EML4: variants seen among roughly 807,000 people sequenced by gnomAD.
EML4 encodes the protein echinoderm microtubule-associated protein-like 4.
A neutral mutation model predicts 129.0 loss-of-function variants in EML4; 72 were observed. The observed-to-expected ratio is 0.56, with a 90% confidence interval of 0.46 to 0.68. EML4 has a LOEUF of 0.68. Among genes scored for constraint, EML4 ranks in the 30% least tolerant of loss-of-function variants. EML4 has a pLI of 0.00. For missense variants in EML4, 1,363 were observed against 1,190.6 expected (o/e 1.14, Z -2.13); for synonymous variants, 532 against 405.0 (o/e 1.31, Z -3.77).
chr2:42,212,015 T>C (rs1672914078), intron 1 of EML4, among the ~76,000 whole-genome samples: 1 of 152,104 alleles, frequency 6.6e-6, no homozygotes, highest in African/African-American at 2.4e-5. Flanking sequence ...CAGCTAATTA[T>C]TTATATTTTT....
chr2:42,326,545 A>G (rs1021717290), intron 21 of EML4, among the ~76,000 whole-genome samples: 1 of 150,314 alleles, frequency 6.7e-6, no homozygotes. Flanking sequence ...TTGGAAAGGC[A>G]TTTTTAAATA....
intron 1 of EML4, among the ~76,000 whole-genome samples, chr2:42,173,318 T>G (rs1035838588): frequency 6.6e-6 from 1 of 152,178 alleles, no homozygotes. Flanking sequence ...TTTTTAAACT[T>G]TTTTTATTGG....
At chr2:42,322,901 C>G (rs1669593075) in intron 19 of EML4, among the ~76,000 whole-genome samples, 1 of 152,160 alleles carries the variant, frequency 6.6e-6, no homozygotes, top group Non-Finnish European at 1.5e-5. Context: ...ACTTTCATTT[C>G]TAAATATGAG....
intron 17 of EML4, among the ~76,000 whole-genome samples, chr2:42,310,355 T>G (rs1045650671): frequency 6.7e-6 from 1 of 148,186 alleles, no homozygotes. Context: ...TCCCCTTCCC[T>G]TTTCCCTTTT....
Position 42,328,826 on chromosome 2 carries a change from A to G in EML4, c.2342-60A>G. On this transcript the variant is annotated intron_variant, in intron 21 of 22. Transcript: ENST00000318522. ...ATTCTAAAATAAAATAAACATATAT[A>G]GCATCACAGTTATATTTCTTCAGCT... 4.5e-6 allele frequency: 6 copies of G among 1,342,720 alleles called. No individual in the cohort carries two copies. In the South Asian group the frequency reaches 8.2e-5, roughly 18 times the overall value. 83.2% of individuals were successfully genotyped at this position (1,342,720 alleles called of 1,614,324 possible). A position where few individuals can be genotyped will look rare whatever the true frequency, so the allele number is the denominator to read the frequency against.
Position 42,263,236 on chromosome 2 carries a change from A to G in EML4, c.571A>G (p.Ser191Gly). 1 of 1,613,356 alleles carries G rather than the reference A, an allele frequency of 6.2e-7. No homozygotes were observed. Among genetic ancestry groups the G allele is most frequent in the South Asian group, 1.1e-5 (1 of 90,902 alleles). The part of the protein sequence containing the change: ...SHNSWENSDD[S>G]RNKLSKIPST... ...TAATTCTTGGGAAAATTCAGATGAT[A>G]GCCGTAATAAATTGTCGAAAATACC... The change falls in exon 5 of 23, where the codon AGC (serine) becomes GGC (glycine). Residue 191 changes from serine (S) to glycine (G), a missense_variant. Ser to Gly is a moderately conservative substitution (Grantham distance 56). Coordinates refer to ENST00000318522, the MANE Select transcript of EML4 (RefSeq NM_019063.5).
intron 1 of EML4, among the ~76,000 whole-genome samples, chr2:42,212,406 T>A (rs1171784141): frequency 6.6e-6 from 1 of 152,204 alleles, no homozygotes; most frequent in Non-Finnish European, 1.5e-5. Context: ...CATTTAAAAG[T>A]TTTTACTTAA....
chr2:42,221,090 G>T (rs1673562476), intron 1 of EML4, among the ~76,000 whole-genome samples: 1 of 152,134 alleles, frequency 6.6e-6, no homozygotes, highest in East Asian at 1.9e-4. Flanking sequence ...TTATCTAGAA[G>T]ATTTAGCTAA....
Position 42,328,873 on chromosome 2 carries a change from T to C in EML4, c.2342-13T>C. 6.3e-7 allele frequency: 1 copy of C among 1,580,150 alleles called. No homozygotes were observed. Among genetic ancestry groups the C allele is most frequent in the Non-Finnish European group, 8.6e-7 (1 of 1,161,146 alleles). The stretch of plus-strand genomic sequence containing the variant: ...AGCTAATTTTTCTGCATCCCTGTGT[T>C]TCCATATCAAAGGTGTCTGGCCAGA... On this transcript the variant is annotated splice_polypyrimidine_tract_variant and intron_variant, in intron 21 of 22. Transcript: ENST00000318522.
At chr2:42,259,992 A>C (rs1042606565) in intron 3 of EML4, among the ~76,000 whole-genome samples, 2 of 150,526 alleles carry the variant, frequency 1.3e-5, no homozygotes, top group African/African-American at 4.9e-5. Context: ...GGCCTCCCAG[A>C]GTGCTGGGAT....
chr2:42,172,823 A>AT, intron 1 of EML4, among the ~76,000 whole-genome samples: 1 of 152,266 alleles, frequency 6.6e-6, no homozygotes, highest in East Asian at 1.9e-4. Context: ...CCGATTTTTT[A>AT]TAAGGCAGGG....
chr2:42,222,257 A>C (rs981326992), intron 1 of EML4, among the ~76,000 whole-genome samples: 44 of 152,000 alleles, frequency 2.9e-4, no homozygotes, highest in Admixed American at 2.9e-3. Flanking sequence ...TTTGCAAGAT[A>C]ACCCCTGTTA....
At chr2:42,171,760 C>T (rs1429890036) in intron 1 of EML4, among the ~76,000 whole-genome samples, 1 of 152,096 alleles carries the variant, frequency 6.6e-6, no homozygotes, top group East Asian at 1.9e-4. Flanking sequence ...ATTTCTGGAG[C>T]TGTTCTTGAT....
intron 11 of EML4, chr2:42,288,535 C>G: frequency 3.4e-6 from 1 of 291,338 alleles, no homozygotes. Flanking sequence ...GAAGCAATTT[C>G]AATATTTCAG....
intron 1 of EML4, among the ~76,000 whole-genome samples, chr2:42,209,332 G>C (rs993973557): frequency 6.6e-6 from 1 of 151,906 alleles, no homozygotes; most frequent in African/African-American, 2.4e-5. Flanking sequence ...ATAATATGTT[G>C]TATTTCTTTT....
rs779923655 is a variant in EML4, at chr2:42,303,402, T to C, written c.1855T>C (p.Trp619Arg). The part of the protein sequence containing the change: ...TCAQDRQVCL[W>R]NSMEHRLEWT... ...TGCTCAGGACAGGCAGGTGTGCCTG[T>C]GGAACTCAATGGAACACAGGCTGGA... The change falls in exon 16 of 23, where the codon TGG becomes CGG. Residue 619 changes from tryptophan to arginine, a missense_variant. Transcript: ENST00000318522. 1.9e-6 allele frequency: 3 copies of C among 1,614,052 alleles called. No individual in the cohort carries two copies. The Admixed American group carries it at 5.0e-5, about 27-fold the overall frequency.
intron 19 of EML4, 107 bp from the exon 20 acceptor site, chr2:42,325,360 T>C (rs1669730249): frequency 6.6e-6 from 4 of 608,214 alleles, no homozygotes; most frequent in South Asian, 4.4e-5. Flanking sequence ...TCCTCTCCTT[T>C]AGAAATTCCA....
At position 42,188,376 on chromosome 2, in the gene EML4, A is replaced by G. The variant is rs561283139; in HGVS notation, c.25+18740A>G. ...GCTGGGACTACAGGTGCACACCACC[A>G]TGCCTGGCTAATTTTTGTATTTTTT... On this transcript the variant is annotated intron_variant, in intron 1 of 22. Transcript: ENST00000318522. Among the ~76,000 whole-genome samples the G allele has an allele frequency of 2.6e-5, 4 of 152,206 alleles. No individual in the cohort carries two copies. In the East Asian group the frequency reaches 7.7e-4, roughly 29 times the overall value.
intron 6 of EML4, among the ~76,000 whole-genome samples, chr2:42,266,070 G>T (rs1666047643): frequency 6.6e-6 from 1 of 152,148 alleles, no homozygotes; most frequent in Non-Finnish European, 1.5e-5. Flanking sequence ...ATAGTAACCA[G>T]CTGCAACGTG....
Sources: gnomAD v4.1 joint callset for allele counts (sites outside exome capture counted in the v4.1 genomes callset) on GRCh38, gnomAD v4.1.1 for gene constraint, MANE v1.5 for transcripts, NCBI Gene and HGNC (gene_info 2026-07-23, HGNC 2026-07-21) for gene names.